The following MCHR2 variants were observed in gnomAD, a reference collection of about 807,000 sequenced individuals.
The protein encoded by MCHR2 is melanin-concentrating hormone receptor 2.
In MCHR2, 15 loss-of-function variants were observed where a neutral mutation model predicts 24.8. That is an observed-to-expected ratio of 0.60 (90% CI 0.40 to 0.93). MCHR2 has a LOEUF of 0.93. Ranked by LOEUF, MCHR2 falls within the 40% of genes least tolerant of loss-of-function variation. MCHR2 has a pLI of 0.00. For missense variants in MCHR2, 386 were observed against 408.7 expected (o/e 0.94, Z 0.48); for synonymous variants, 151 against 147.6 (o/e 1.02, Z -0.17).
chr6:99,947,656 A>G (rs1340177516), intron 3 of MCHR2, 106 bp downstream of exon 3: 2 of 1,069,508 alleles, frequency 1.9e-6, no homozygotes, highest in Non-Finnish European at 2.7e-6. Context: ...CAAAGGAAGA[A>G]AACCTCTGCT....
At chr6:99,987,440 C>T (rs1457490435) in intron 1 of MCHR2, among the ~76,000 whole-genome samples, 1 of 152,130 alleles carries the variant, frequency 6.6e-6, no homozygotes, top group East Asian at 1.9e-4. Context: ...AGTATGCCAT[C>T]CAAATCCCCA....
intron 5 of MCHR2, among the ~76,000 whole-genome samples, chr6:99,928,213 T>G (rs1005390165): frequency 2.6e-5 from 4 of 152,222 alleles, no homozygotes; most frequent in Non-Finnish European, 4.4e-5. Flanking sequence ...GATAAGCTTT[T>G]TGATGCGCTG....
chr6:99,949,247 C>T (rs557576703), intron 2 of MCHR2, among the ~76,000 whole-genome samples: 1 of 152,188 alleles, frequency 6.6e-6, no homozygotes, highest in South Asian at 2.1e-4. Flanking sequence ...CATCAAGGAG[C>T]TTATAGTCTA....
chr6:99,936,159 C>T (rs1562120512), intron 4 of MCHR2, among the ~76,000 whole-genome samples: 1 of 151,942 alleles, frequency 6.6e-6, no homozygotes, highest in East Asian at 1.9e-4. Context: ...TGTCTCTTCA[C>T]TTTGTTGATT....
chr6:99,947,861 T>C lies in MCHR2; in HGVS notation c.293A>G (p.Glu98Gly), dbSNP rs1379147249. Residue 98 changes from glutamate (E) to glycine (G), a missense_variant, in exon 3 of 6, where the codon GAG becomes GGG. By Grantham distance (98) the Glu-to-Gly change is moderately conservative (BLOSUM62 -2). Transcript: ENST00000281806. ...GCAGAGAGGCCCCCCAAACACCCAC[T>C]CTCCCCCTCGGGCCCATTGGTGAAT... ...FLIHQWARGG[E>G]WVFGGPLCTI... is the part of the protein sequence containing the mutation. 1 of 1,613,452 alleles carries C rather than the reference T, an allele frequency of 6.2e-7. No homozygotes were observed. The highest frequency in any genetic ancestry group is 8.5e-7 in the Non-Finnish European group (1 of 1,179,770).
chr6:99,979,464 G>C (rs1463988894), intron 1 of MCHR2, among the ~76,000 whole-genome samples: 4 of 152,114 alleles, frequency 2.6e-5, no homozygotes, highest in Admixed American at 2.6e-4. Flanking sequence ...TGTCTGAATT[G>C]AGATGTGCAG....
At chr6:99,940,003 T>G (rs1427628292) in intron 4 of MCHR2, among the ~76,000 whole-genome samples, 3 of 151,852 alleles carry the variant, frequency 2.0e-5, no homozygotes, top group Non-Finnish European at 4.4e-5. Context: ...TTTCTCTTAC[T>G]GATTTTAGAG....
chr6:99,925,797 TTTTTTGTTA>T (rs1774342094), intron 5 of MCHR2, among the ~76,000 whole-genome samples: 1 of 151,506 alleles, frequency 6.6e-6, no homozygotes, highest in African/African-American at 2.4e-5. Context: ...TATTTTTGTT[TTTTTTGTTA>T]TTTTATTTTA....
intron 1 of MCHR2, among the ~76,000 whole-genome samples, chr6:99,971,691 G>T (rs1169899706): frequency 6.6e-6 from 1 of 152,152 alleles, no homozygotes; most frequent in East Asian, 1.9e-4. Context: ...GATATTTGCT[G>T]TGGGCTTGTC....
intron 4 of MCHR2, among the ~76,000 whole-genome samples, chr6:99,940,112 CT>C (rs970870632): frequency 6.6e-6 from 1 of 151,878 alleles, no homozygotes; most frequent in African/African-American, 2.4e-5. Flanking sequence ...CTTCCCATAT[CT>C]GGATATTTAC....
At chr6:99,962,474 G>T (rs908061453) in intron 1 of MCHR2, among the ~76,000 whole-genome samples, 4 of 152,034 alleles carry the variant, frequency 2.6e-5, no homozygotes, top group Non-Finnish European at 5.9e-5. Context: ...CTTCAACAAG[G>T]GTGCCAAAGT....
In MCHR2 at chr6:99,946,187, A is replaced by T. The variant is rs191861046; in HGVS notation, c.392+1575T>A. 3.9e-3 allele frequency among the ~76,000 whole-genome samples: 594 copies of T among 152,204 alleles called. 4 individuals carry two copies. Among genetic ancestry groups the T allele is most frequent in the Non-Finnish European group, 4.8e-3 (326 of 67,996 alleles). The stretch of plus-strand genomic sequence containing the variant: ...TTCAAGGCCCTCTTCCTGGTATTGG[A>T]ACCCTGACAAGCATATGGGGCTTTT... On this transcript the variant is annotated intron_variant, in intron 3 of 5. Transcript: ENST00000281806.
At chr6:99,947,306 G>A (rs973356413) in intron 3 of MCHR2, among the ~76,000 whole-genome samples, 10 of 152,146 alleles carry the variant, frequency 6.6e-5, no homozygotes, top group African/African-American at 1.7e-4. Flanking sequence ...AATAACAAGT[G>A]TATGAGACAG....
intron 5 of MCHR2, among the ~76,000 whole-genome samples, chr6:99,932,659 A>G (rs1774571246): frequency 6.6e-6 from 1 of 152,182 alleles, no homozygotes; most frequent in South Asian, 2.1e-4. Context: ...ATCATGATAC[A>G]ATATCAGGCG....
intron 4 of MCHR2, among the ~76,000 whole-genome samples, chr6:99,938,076 T>G (rs1013081970): frequency 2.0e-5 from 3 of 151,964 alleles, no homozygotes; most frequent in Admixed American, 6.6e-5. Flanking sequence ...CTGATTTTGT[T>G]TATTTGGAAC....
At position 99,922,218 on chromosome 6, in the gene MCHR2, T is replaced by C. The variant is rs531114670; in HGVS notation, c.708-963A>G. ...GCCTCCTGGGTTCATGCCATTCTCC[T>C]GCCTCAGCCTCCCGAGTAGCTGGGA... On this transcript the variant is annotated intron_variant, in intron 5 of 5. Coordinates refer to ENST00000281806, the MANE Select transcript of MCHR2 (RefSeq NM_001040179.2). 1.5e-4 allele frequency among the ~76,000 whole-genome samples: 23 copies of C among 151,676 alleles called. No individual in the cohort carries two copies. The South Asian group carries it at 4.8e-3, about 32-fold the overall frequency.
chr6:99,969,635 G>A (rs1328595722), intron 1 of MCHR2, among the ~76,000 whole-genome samples: 3 of 151,260 alleles, frequency 2.0e-5, no homozygotes, highest in African/African-American at 7.3e-5. Flanking sequence ...TGTTACATAT[G>A]TATACATGTG....
chr6:99,948,513 TCA>T (rs1774915294), intron 2 of MCHR2, among the ~76,000 whole-genome samples: 1 of 152,090 alleles, frequency 6.6e-6, no homozygotes, highest in Non-Finnish European at 1.5e-5. Flanking sequence ...AGCCAAGCCT[TCA>T]GATAACTGTA....
chr6:99,932,271 G>A (rs1774562496), intron 5 of MCHR2, among the ~76,000 whole-genome samples: 2 of 152,154 alleles, frequency 1.3e-5, no homozygotes, highest in African/African-American at 4.8e-5. Context: ...CTCAATGTGT[G>A]AAAGAAACAT....
Sources: gnomAD v4.1 joint callset for allele counts (sites outside exome capture counted in the v4.1 genomes callset) on GRCh38, gnomAD v4.1.1 for gene constraint, MANE v1.5 for transcripts, NCBI Gene and HGNC (gene_info 2026-07-23, HGNC 2026-07-21) for gene names.